The following SEMA3E variants were observed in gnomAD, a reference collection of about 807,000 sequenced individuals.
SEMA3E encodes the protein semaphorin-3E.
A neutral mutation model predicts 93.6 loss-of-function variants in SEMA3E; 49 were observed. The ratio of observed to expected loss-of-function variants is 0.52; its 90% CI spans 0.42 to 0.66. The LOEUF is 0.66. Ranked by LOEUF, SEMA3E falls within the 30% of genes least tolerant of loss-of-function variation. SEMA3E has a pLI of 0.00. For missense variants in SEMA3E, 906 were observed against 964.8 expected, an observed-to-expected ratio of 0.94 and a Z score of 0.81; for synonymous variants, 363 against 330.7, an observed-to-expected ratio of 1.10 and a Z score of -1.06.
intron 1 of SEMA3E, among the ~76,000 whole-genome samples, chr7:83,519,807 G>A (rs1235738128): frequency 2.0e-5 from 3 of 152,060 alleles, no homozygotes; most frequent in Non-Finnish European, 2.9e-5. Context: ...ACAACCACAT[G>A]GGATATGTAT....
chr7:83,607,798 C>G (rs2115568971), intron 1 of SEMA3E, among the ~76,000 whole-genome samples: 1 of 152,176 alleles, frequency 6.6e-6, no homozygotes, highest in South Asian at 2.1e-4. Flanking sequence ...GGCTGGTGAA[C>G]TGGAGGAAAC....
At position 83,367,389 on chromosome 7, in the gene SEMA3E, T is replaced by G; in HGVS notation, c.*197A>C. The G allele has an allele frequency of 1.7e-6, 1 of 595,382 alleles. No homozygotes were observed. The highest frequency in any genetic ancestry group is 2.9e-6 in the Non-Finnish European group (1 of 341,394). 36.9% of individuals were successfully genotyped at this position (595,382 alleles called of 1,614,324 possible). ...GAAACCATTAAGCAATGCATTTATT[T>G]AAAAAATTAGTTAATTTTATGTAAA... is the stretch of plus-strand genomic sequence containing the variant. On this transcript the variant is annotated 3_prime_UTR_variant, in exon 17 of 17. Transcript: ENST00000643230.
chr7:83,434,762 G>C (rs924315097), intron 4 of SEMA3E, among the ~76,000 whole-genome samples: 2 of 142,744 alleles, frequency 1.4e-5, no homozygotes, highest in African/African-American at 5.2e-5. Context: ...CGCCCAGGCT[G>C]GAGTGCAGTG....
At chr7:83,454,351 A>G (rs1343500097) in intron 4 of SEMA3E, among the ~76,000 whole-genome samples, 2 of 150,374 alleles carry the variant, frequency 1.3e-5, no homozygotes, top group African/African-American at 2.4e-5. Flanking sequence ...GAAACTTTAA[A>G]ATAACAGATT....
At chr7:83,397,135 GC>G (rs1244129497) in intron 11 of SEMA3E, among the ~76,000 whole-genome samples, 1 of 151,150 alleles carries the variant, frequency 6.6e-6, no homozygotes, top group Non-Finnish European at 1.5e-5. Flanking sequence ...AAATCCAGAG[GC>G]ATGAAACATG....
At position 83,396,698 on chromosome 7, in the gene SEMA3E, A is replaced by G; in HGVS notation, c.1398T>C (p.Ile466=). ...DNGIVLKVIT[I]YNQEMESMEE... ...CCATTGATTCCATTTCTTGGTTGTA[A>G]ATTGTGATTACTTTCAGCACAATTC... Residue 466 remains isoleucine (I), a synonymous_variant, in exon 12 of 17, where the codon ATT becomes ATC. Coordinates refer to ENST00000643230, the MANE Select transcript of SEMA3E (RefSeq NM_012431.3). 6.2e-7 allele frequency: 1 copy of G among 1,605,068 alleles called. No homozygotes were observed. Among genetic ancestry groups the G allele is most frequent in the African/African-American group, 1.3e-5 (1 of 74,878 alleles).
At chr7:83,476,205 A>T (rs1011328969) in intron 2 of SEMA3E, among the ~76,000 whole-genome samples, 2 of 152,192 alleles carry the variant, frequency 1.3e-5, no homozygotes, top group Admixed American at 1.3e-4. Flanking sequence ...TCACATTCTT[A>T]GTGAAGTCAG....
chr7:83,552,322 C>T (rs980840260), intron 1 of SEMA3E, among the ~76,000 whole-genome samples: 1 of 152,168 alleles, frequency 6.6e-6, no homozygotes, highest in Non-Finnish European at 1.5e-5. Flanking sequence ...TCTCTTAATC[C>T]TGTTATCTTG....
At chr7:83,374,364 A>C (rs1028714629) in intron 16 of SEMA3E, among the ~76,000 whole-genome samples, 3 of 152,174 alleles carry the variant, frequency 2.0e-5, no homozygotes, top group African/African-American at 7.2e-5. Context: ...CTGCTTTGGG[A>C]GTCCAGATGG....
chr7:83,407,174 A>T lies in SEMA3E; in HGVS notation c.736T>A (p.Phe246Ile), dbSNP rs1405164115. The change falls in exon 7 of 17, where the codon TTC (phenylalanine) becomes ATC (isoleucine). Residue 246 changes from phenylalanine to isoleucine, a missense_variant. Phe to Ile is a conservative substitution (Grantham distance 21, BLOSUM62 0). Transcript: ENST00000643230. ...TCCAGTGCCTTCTCAGTAAAAAAGA[A>T]ATATACTTTGTTGTCATCTCTGTCT... ...NEDRDDNKVY[F>I]FFTEKALEAE... is the part of the protein sequence containing the mutation. 6.2e-7 allele frequency: 1 copy of T among 1,613,464 alleles called. No homozygotes were observed. Among genetic ancestry groups the T allele is most frequent in the Non-Finnish European group, 8.5e-7 (1 of 1,179,796 alleles).
chr7:83,586,843 A>T (rs1048957720), intron 1 of SEMA3E, among the ~76,000 whole-genome samples: 2 of 152,068 alleles, frequency 1.3e-5, no homozygotes, highest in Non-Finnish European at 2.9e-5. Flanking sequence ...TTGAACTCCG[A>T]AATTGCTATA....
At chr7:83,544,511 C>A (rs947564855) in intron 1 of SEMA3E, among the ~76,000 whole-genome samples, 1 of 152,066 alleles carries the variant, frequency 6.6e-6, no homozygotes, top group South Asian at 2.1e-4. Context: ...TCCAAAATCC[C>A]GGTTAGCACA....
chr7:83,560,615 C>T (rs1322743274), intron 1 of SEMA3E, among the ~76,000 whole-genome samples: 1 of 151,932 alleles, frequency 6.6e-6, no homozygotes, highest in Non-Finnish European at 1.5e-5. Flanking sequence ...TTAGAATTCT[C>T]CTTTGAACTG....
chr7:83,589,490 C>A (rs1407076250), intron 1 of SEMA3E, among the ~76,000 whole-genome samples: 3 of 152,112 alleles, frequency 2.0e-5, no homozygotes, highest in Admixed American at 2.0e-4. Flanking sequence ...TGCAATCTAA[C>A]CTTCCCCACT....
chr7:83,432,651 C>G (rs559043901), intron 4 of SEMA3E, among the ~76,000 whole-genome samples: 3 of 152,186 alleles, frequency 2.0e-5, no homozygotes, highest in Admixed American at 6.5e-5. Flanking sequence ...GAAAGTTAGG[C>G]AATCATATAT....
intron 14 of SEMA3E, among the ~76,000 whole-genome samples, chr7:83,389,970 TACAC>T: frequency 1.5e-5 from 2 of 131,912 alleles, no homozygotes; most frequent in Non-Finnish European, 3.4e-5. Flanking sequence ...TGTATACGTA[TACAC>T]ATATATACGC....
intron 1 of SEMA3E, among the ~76,000 whole-genome samples, chr7:83,514,596 A>G (rs955401168): frequency 6.6e-6 from 1 of 152,180 alleles, no homozygotes; most frequent in Non-Finnish European, 1.5e-5. Context: ...AACATTAAAT[A>G]TATTGTATAT....
chr7:83,509,941 C>T (rs767221310), intron 1 of SEMA3E, among the ~76,000 whole-genome samples: 3 of 152,062 alleles, frequency 2.0e-5, no homozygotes, highest in African/African-American at 7.2e-5. Context: ...CCAGAATGTT[C>T]CAGCCATTAC....
intron 4 of SEMA3E, among the ~76,000 whole-genome samples, chr7:83,454,787 T>C (rs1401718202): frequency 6.6e-6 from 1 of 152,200 alleles, no homozygotes; most frequent in African/African-American, 2.4e-5. Context: ...ATCGATGAGA[T>C]AACGTGTAAC....
Sources: gnomAD v4.1 joint callset for allele counts (sites outside exome capture counted in the v4.1 genomes callset) on GRCh38, gnomAD v4.1.1 for gene constraint, MANE v1.5 for transcripts, NCBI Gene and HGNC (gene_info 2026-07-23, HGNC 2026-07-21) for gene names.